The following SDK1 variants were observed in gnomAD, a reference collection of about 807,000 sequenced individuals.
SDK1 encodes protein sidekick-1.
In SDK1, 157 loss-of-function variants were observed where a neutral mutation model predicts 245.5. The ratio of observed to expected loss-of-function variants is 0.64; its 90% CI spans 0.56 to 0.73. The LOEUF is 0.73. SDK1 is among the 30% of genes least tolerant of loss of function. The probability of loss-of-function intolerance (pLI) is 0.00; values close to 1 mark genes in which losing one functional copy is unlikely to be tolerated. For synonymous variants in SDK1, 1,647 were observed against 1,278.5 expected, an observed-to-expected ratio of 1.29 and a Z score of -6.15; for missense variants, 3,583 against 3,002.3, an observed-to-expected ratio of 1.19 and a Z score of -4.52.
chr7:3,707,972 A>G (rs2115015238), intron 4 of SDK1, among the ~76,000 whole-genome samples: 1 of 152,306 alleles, frequency 6.6e-6, no homozygotes, highest in East Asian at 1.9e-4. Context: ...ATTGCTATAA[A>G]GAAATACCTG....
chr7:3,606,611 T>G (rs1032361771), intron 1 of SDK1, among the ~76,000 whole-genome samples: 3 of 152,160 alleles, frequency 2.0e-5, no homozygotes, highest in African/African-American at 4.8e-5. Flanking sequence ...GACTTTGTAC[T>G]TGCTTTTCCT....
At chr7:4,139,883 G>A (rs1469461232) in intron 28 of SDK1, among the ~76,000 whole-genome samples, 1 of 152,132 alleles carries the variant, frequency 6.6e-6, no homozygotes, top group African/African-American at 2.4e-5. Context: ...GAGCCCTCGG[G>A]ACTCAGGCAG....
At chr7:3,469,874 C>T (rs1162839563) in intron 1 of SDK1, among the ~76,000 whole-genome samples, 11 of 152,144 alleles carry the variant, frequency 7.2e-5, no homozygotes. Flanking sequence ...TAAAGTGTTT[C>T]TCTGAATTAA....
chr7:3,429,945 C>CTAT (rs1256578551), intron 1 of SDK1, among the ~76,000 whole-genome samples: 1 of 152,180 alleles, frequency 6.6e-6, no homozygotes, highest in African/African-American at 2.4e-5. Flanking sequence ...GCCCAAAAGC[C>CTAT]TATCCGTATG....
intron 9 of SDK1, among the ~76,000 whole-genome samples, chr7:3,964,041 G>T (rs1781909455): frequency 1.3e-5 from 2 of 152,278 alleles, no homozygotes; most frequent in Non-Finnish European, 2.9e-5. Context: ...CTACCTGGAT[G>T]TATCCAGTGG....
At chr7:3,494,296 G>C (rs1454184711) in intron 1 of SDK1, among the ~76,000 whole-genome samples, 1 of 152,166 alleles carries the variant, frequency 6.6e-6, no homozygotes, top group Non-Finnish European at 1.5e-5. Context: ...GCAATTTAGA[G>C]ATGGGTAGAG....
At chr7:3,387,401 G>A (rs995387410) in intron 1 of SDK1, among the ~76,000 whole-genome samples, 12 of 152,146 alleles carry the variant, frequency 7.9e-5, no homozygotes, top group African/African-American at 2.7e-4. Flanking sequence ...CCTGATGAAG[G>A]TTATTTCATT....
At chr7:3,900,086 CA>C (rs1009932381) in intron 5 of SDK1, among the ~76,000 whole-genome samples, 9 of 152,150 alleles carry the variant, frequency 5.9e-5, no homozygotes, top group African/African-American at 1.9e-4. Context: ...AGCAGTTTTA[CA>C]AAAAAACCTA....
In SDK1 at chr7:3,448,087, G is replaced by T. The variant is rs1014008970; in HGVS notation, c.298+146203G>T. Among the ~76,000 whole-genome samples, 4 of 152,272 alleles carry T rather than the reference G, an allele frequency of 2.6e-5. No homozygotes were observed. The South Asian group carries it at 8.3e-4, about 32-fold the overall frequency. On this transcript the variant is annotated intron_variant, in intron 1 of 44. Transcript: ENST00000404826. Reference sequence around the variant, plus strand: ...ATGGGACTGACAGTTCAAGGGATATGTATACTTAACATTGTATAGATATTA... The same window carrying T: ...ATGGGACTGACAGTTCAAGGGATATTTATACTTAACATTGTATAGATATTA...
At chr7:3,570,471 C>A (rs1002976077) in intron 1 of SDK1, among the ~76,000 whole-genome samples, 1 of 152,180 alleles carries the variant, frequency 6.6e-6, no homozygotes, top group Non-Finnish European at 1.5e-5. Flanking sequence ...TACCCGTCCA[C>A]AGCCCGGAGT....
At chr7:3,573,826 C>A (rs1583182026) in intron 1 of SDK1, among the ~76,000 whole-genome samples, 1 of 151,884 alleles carries the variant, frequency 6.6e-6, no homozygotes, top group South Asian at 2.1e-4. Context: ...CCCTGCTGTT[C>A]TTCTGTTTTC....
At chr7:3,406,917 TCAAA>T (rs146902603) in intron 1 of SDK1, among the ~76,000 whole-genome samples, 2,946 of 152,264 alleles carry the variant, frequency 0.019, 98 homozygotes, top group African/African-American at 0.066. Context: ...ACTTTTTTAC[TCAAA>T]CAAGCAGAAA....
intron 44 of SDK1, among the ~76,000 whole-genome samples, chr7:4,246,743 G>T (rs1011087211): frequency 1.3e-5 from 2 of 152,138 alleles, no homozygotes; most frequent in African/African-American, 2.4e-5. Context: ...CTGGACCAGG[G>T]AGATGGCTTC....
At position 4,221,308 on chromosome 7, in the gene SDK1, A is replaced by C. The variant is rs777065292; in HGVS notation, c.5771A>C (p.Glu1924Ala). The C allele has an allele frequency of 6.2e-6, 10 of 1,613,722 alleles. No individual in the cohort carries two copies. Among genetic ancestry groups the C allele is most frequent in the Non-Finnish European group, 7.6e-6 (9 of 1,179,940 alleles). ...TCTGAACTGACGCTGCAGTGGACTG[A>C]GGGACACTCTGGCGACACACCTACC... ...SASELTLQWT[E>A]GHSGDTPTTG... is the part of the protein sequence containing the mutation. Residue 1924 changes from glutamate to alanine, a missense_variant, in exon 40 of 45, where the codon GAG (glutamate) becomes GCG (alanine). Coordinates refer to ENST00000404826, the MANE Select transcript of SDK1 (RefSeq NM_152744.4).
At chr7:3,451,931 C>T (rs1463574167) in intron 1 of SDK1, among the ~76,000 whole-genome samples, 1 of 152,170 alleles carries the variant, frequency 6.6e-6, no homozygotes, top group Non-Finnish European at 1.5e-5. Flanking sequence ...GCATAGCACG[C>T]AGGCTTCTCT....
At chr7:4,025,290 A>C (rs1787251002) in intron 17 of SDK1, among the ~76,000 whole-genome samples, 1 of 152,238 alleles carries the variant, frequency 6.6e-6, no homozygotes. Context: ...TCCGCCGAAC[A>C]GAGGATTCAT....
chr7:4,076,843 G>A (rs1454254537), intron 20 of SDK1, among the ~76,000 whole-genome samples, 155 bp from the exon 21 acceptor site: 5 of 152,134 alleles, frequency 3.3e-5, no homozygotes, highest in Admixed American at 2.6e-4. Context: ...GCCTTGACCT[G>A]TGTCTCATGT....
chr7:3,949,116 C>T (rs541695044), intron 5 of SDK1, among the ~76,000 whole-genome samples: 1 of 152,148 alleles, frequency 6.6e-6, no homozygotes, highest in African/African-American at 2.4e-5. Context: ...TTTTACAAAG[C>T]GAAGGCGTCA....
chr7:4,254,414 A>T (rs1787506883), intron 44 of SDK1, among the ~76,000 whole-genome samples: 1 of 152,160 alleles, frequency 6.6e-6, no homozygotes, highest in African/African-American at 2.4e-5. Flanking sequence ...CTATCTAATG[A>T]ATTTTAAATT....
Sources: gnomAD v4.1 joint callset for allele counts (sites outside exome capture counted in the v4.1 genomes callset) on GRCh38, gnomAD v4.1.1 for gene constraint, MANE v1.5 for transcripts, NCBI Gene and HGNC (gene_info 2026-07-23, HGNC 2026-07-21) for gene names.